Variants in ROBO1 observed in about 807,000 individuals in gnomAD.
ROBO1 encodes roundabout homolog 1.
ROBO1 carries 149 observed loss-of-function variants against 195.9 expected under a neutral mutation model. The observed-to-expected ratio is 0.76, with a 90% CI of 0.67 to 0.87. The LOEUF is 0.87. Among genes scored for constraint, ROBO1 ranks in the 40% least tolerant of loss-of-function variants. ROBO1 has a pLI of 0.00. For synonymous variants in ROBO1, 816 were observed against 733.2 expected (o/e 1.11, Z -1.82); for missense variants, 1,933 against 2,068.3 (o/e 0.93, Z 1.27).
chr3:79,279,050 G>A (rs2108995507), intron 2 of ROBO1, among the ~76,000 whole-genome samples: 1 of 152,188 alleles, frequency 6.6e-6, no homozygotes, highest in South Asian at 2.1e-4. Flanking sequence ...CAAGCAGGCA[G>A]ATCACCTGAG....
intron 3 of ROBO1, among the ~76,000 whole-genome samples, chr3:79,031,687 C>CT (rs1374744972): frequency 1.3e-5 from 2 of 152,048 alleles, no homozygotes; most frequent in African/African-American, 4.8e-5. Context: ...ACATAAAGCG[C>CT]TTGTAACGGA....
chr3:79,332,068 G>A lies in ROBO1; in HGVS notation c.89-206529C>T, dbSNP rs545883417. 4.6e-5 allele frequency among the ~76,000 whole-genome samples: 7 copies of A among 151,650 alleles called. No homozygotes were observed. In the South Asian group the frequency reaches 1.0e-3, roughly 23 times the overall value. ...TGAGGCAGGAGAGTGGCGTGAACCC[G>A]GGAGGCGAAGCTTACAGTGAGCCGA... On this transcript the variant is annotated intron_variant, in intron 2 of 30. Coordinates refer to ENST00000464233, the MANE Select transcript of ROBO1 (RefSeq NM_002941.4).
chr3:78,970,757 C>T (rs932503913), intron 3 of ROBO1, among the ~76,000 whole-genome samples: 1 of 152,054 alleles, frequency 6.6e-6, no homozygotes, highest in South Asian at 2.1e-4. Flanking sequence ...GAAATGGATG[C>T]TTTTATCATC....
intron 4 of ROBO1, among the ~76,000 whole-genome samples, chr3:78,886,737 A>C (rs931004122): frequency 6.6e-6 from 1 of 152,204 alleles, no homozygotes; most frequent in Non-Finnish European, 1.5e-5. Context: ...TGTGGAATAT[A>C]TGAAGCCCCA....
intron 4 of ROBO1, among the ~76,000 whole-genome samples, chr3:78,820,675 A>G (rs1245091824): frequency 6.6e-6 from 1 of 152,192 alleles, no homozygotes; most frequent in African/African-American, 2.4e-5. Context: ...GGCTAGATCT[A>G]TGCTTGGTTT....
chr3:78,854,413 A>G (rs1241908161), intron 4 of ROBO1, among the ~76,000 whole-genome samples: 1 of 150,298 alleles, frequency 6.7e-6, no homozygotes, highest in African/African-American at 2.4e-5. Flanking sequence ...GTGTGTGTAC[A>G]CATAGAGAGA....
intron 29 of ROBO1, among the ~76,000 whole-genome samples, chr3:78,601,366 A>T (rs1703160659): frequency 6.6e-6 from 1 of 152,202 alleles, no homozygotes; most frequent in Non-Finnish European, 1.5e-5. Context: ...TTCTGAAGCC[A>T]GTATAGTCTT....
At chr3:79,380,198 T>C (rs1325404314) in intron 2 of ROBO1, among the ~76,000 whole-genome samples, 1 of 152,190 alleles carries the variant, frequency 6.6e-6, no homozygotes, top group Non-Finnish European at 1.5e-5. Context: ...ACTGAATATG[T>C]TACTTTTACT....
At chr3:79,295,447 T>TG (rs1352096575) in intron 2 of ROBO1, among the ~76,000 whole-genome samples, 36 of 151,918 alleles carry the variant, frequency 2.4e-4, no homozygotes, top group Non-Finnish European at 8.8e-5. Flanking sequence ...CAGGGCCTGT[T>TG]GGGGGTGGGA....
rs80030397 is a variant in ROBO1 at position 78,717,374 on chromosome 3, A to G, written c.818T>C (p.Val273Ala). Residue 273 changes from valine to alanine, a missense_variant, in exon 7 of 31, where the codon GTA becomes GCA. Val to Ala is a moderately conservative substitution (Grantham distance 64, BLOSUM62 0). Around this residue, in one of 3 missense-constraint regions of ROBO1, gnomAD observed 1,737 missense variants for 1,882.5 expected, o/e 0.92. Transcript: ENST00000464233. Reference protein sequence around the residue: ...SFVKRPSNLAVTVDDSAEFKC... With the variant: ...SFVKRPSNLAATVDDSAEFKC... ...AAATTCTGCACTGTCATCCACAGTTACTGCCAAGTTACTGGGTCTCTTCAC... is the reference window on the plus strand; with the variant it reads ...AAATTCTGCACTGTCATCCACAGTTGCTGCCAAGTTACTGGGTCTCTTCAC... The G allele has an allele frequency of 4.3e-4, 695 of 1,613,582 alleles. No homozygotes were observed. Among genetic ancestry groups the G allele is most frequent in the Non-Finnish European group, 5.6e-4 (655 of 1,179,522 alleles).
chr3:78,668,064 A>G lies in ROBO1; in HGVS notation c.1800-15T>C, dbSNP rs369868348. The G allele has an allele frequency of 7.4e-6, 12 of 1,612,176 alleles. No individual in the cohort carries two copies. Among genetic ancestry groups the G allele is most frequent in the South Asian group, 1.1e-5 (1 of 90,960 alleles). On this transcript the variant is annotated splice_polypyrimidine_tract_variant and intron_variant, in intron 13 of 30. Transcript: ENST00000464233. The stretch of plus-strand genomic sequence containing the variant: ...CAGATGCATGGCTAAGGATAGACAC[A>G]CAGGTTAGAACATGCGTATTTAATG...
intron 2 of ROBO1, among the ~76,000 whole-genome samples, chr3:79,393,403 C>T (rs2037027645): frequency 6.6e-6 from 1 of 152,160 alleles, no homozygotes; most frequent in South Asian, 2.1e-4. Flanking sequence ...GAGAAATAGC[C>T]AGCATTCAGT....
intron 1 of ROBO1, among the ~76,000 whole-genome samples, chr3:79,617,919 A>AT (rs1273880824): frequency 3.3e-4 from 11 of 33,410 alleles, no homozygotes; most frequent in African/African-American, 9.8e-4. Context: ...AAAGAGATAT[A>AT]TTAAAAAAAA....
chr3:79,617,567 T>C (rs1002115911), intron 1 of ROBO1, among the ~76,000 whole-genome samples: 8 of 151,856 alleles, frequency 5.3e-5, no homozygotes, highest in African/African-American at 9.7e-5. Context: ...AAGAAAAGTA[T>C]GAAGAAGTGA....
chr3:78,622,280 T>C (rs1407949330), intron 26 of ROBO1, among the ~76,000 whole-genome samples: 2 of 152,188 alleles, frequency 1.3e-5, no homozygotes, highest in East Asian at 3.8e-4. Flanking sequence ...ATAATTCGAC[T>C]TGCAGTGTTA....
intron 2 of ROBO1, among the ~76,000 whole-genome samples, chr3:79,469,029 C>T (rs1008031870): frequency 5.3e-5 from 8 of 152,094 alleles, no homozygotes; most frequent in Non-Finnish European, 1.0e-4. Context: ...TTAAAATCTA[C>T]TTAACAACCT....
At chr3:79,098,632 C>G (rs2079615104) in intron 3 of ROBO1, among the ~76,000 whole-genome samples, 1 of 151,730 alleles carries the variant, frequency 6.6e-6, no homozygotes, top group South Asian at 2.1e-4. Flanking sequence ...ATATAAGAAA[C>G]AGATGAAATA....
chr3:78,988,502 A>G (rs1006035181), intron 3 of ROBO1, among the ~76,000 whole-genome samples: 3 of 152,182 alleles, frequency 2.0e-5, no homozygotes, highest in African/African-American at 7.2e-5. Context: ...TTTTATCTCC[A>G]GAGACCTTTT....
intron 3 of ROBO1, among the ~76,000 whole-genome samples, chr3:78,969,100 T>C (rs2076709595): frequency 6.6e-6 from 1 of 152,216 alleles, no homozygotes; most frequent in African/African-American, 2.4e-5. Context: ...CCTTATTGCA[T>C]AAGCATTGCT....
Sources: gnomAD v4.1 joint callset for allele counts (sites outside exome capture counted in the v4.1 genomes callset) on GRCh38, gnomAD v4.1.1 for gene constraint, gnomAD v4.1.1 regional missense constraint, MANE v1.5 for transcripts, NCBI Gene and HGNC (gene_info 2026-07-23, HGNC 2026-07-21) for gene names.